VTI1A: variants seen among roughly 807,000 people sequenced by gnomAD.
The protein encoded by VTI1A is vesicle transport through interaction with t-SNAREs 1A.
Under a neutral mutation model 34.9 loss-of-function variants are expected in VTI1A, and 22 were observed. That is an observed-to-expected ratio of 0.63 (90% confidence interval 0.45 to 0.90). VTI1A has a LOEUF of 0.90. VTI1A is among the 40% of genes least tolerant of loss of function. VTI1A has a pLI of 0.00. For synonymous variants in VTI1A, 87 were observed against 97.3 expected, an observed-to-expected ratio of 0.89 and a Z score of 0.62; for missense variants, 268 against 275.6, an observed-to-expected ratio of 0.97 and a Z score of 0.20.
intron 3 of VTI1A, among the ~76,000 whole-genome samples, chr10:112,487,897 GT>G (rs1458344949): frequency 1.3e-5 from 2 of 152,102 alleles, no homozygotes; most frequent in Non-Finnish European, 2.9e-5. Context: ...AGGTATATTG[GT>G]AGTAATTTGG....
intron 3 of VTI1A, among the ~76,000 whole-genome samples, chr10:112,518,946 C>A (rs1849910330): frequency 6.6e-6 from 1 of 151,810 alleles, no homozygotes; most frequent in Non-Finnish European, 1.5e-5. Context: ...ATAGAAGTAA[C>A]CGTCAAAATG....
At chr10:112,487,092 G>T (rs1358423141) in intron 3 of VTI1A, among the ~76,000 whole-genome samples, 1 of 151,998 alleles carries the variant, frequency 6.6e-6, no homozygotes, top group Non-Finnish European at 1.5e-5. Flanking sequence ...TCTGCATCCG[G>T]GTTGAGAAAT....
chr10:112,819,176 T>C (rs1853604274), downstream of VTI1A, among the ~76,000 whole-genome samples: 1 of 152,230 alleles, frequency 6.6e-6, no homozygotes, highest in Non-Finnish European at 1.5e-5. Context: ...TTTTAAATAA[T>C]GAAATTTCCC....
chr10:112,630,409 G>A (rs912507972), intron 5 of VTI1A, among the ~76,000 whole-genome samples: 7 of 152,072 alleles, frequency 4.6e-5, no homozygotes, highest in African/African-American at 1.4e-4. Context: ...TACACTTGGG[G>A]GTGCTAGAAC....
At chr10:112,737,910 G>T in intron 7 of VTI1A, 1 of 1,062,768 alleles carries the variant, frequency 9.4e-7, no homozygotes, top group African/African-American at 1.6e-5. Flanking sequence ...GAGGGAGAGA[G>T]CTGAGGATGG....
rs894334435 is a variant in VTI1A, at chr10:112,815,936, G to A, written c.*553G>A. The A allele has an allele frequency of 6.5e-5, 15 of 230,946 alleles. No homozygotes were observed. Among genetic ancestry groups the A allele is most frequent in the South Asian group, 1.8e-4 (1 of 5,506 alleles). The allele number at this position is 230,946 out of a possible 1,614,324, so 14.3% of individuals were successfully genotyped here. ...ATTGTAAAGGTCGGTATTTAATGTC[G>A]GTTGTACAGGAAATTGACTTAGCAC... On this transcript the variant is annotated 3_prime_UTR_variant, in exon 8 of 8. Coordinates refer to ENST00000393077, the MANE Select transcript of VTI1A (RefSeq NM_145206.4).
intron 5 of VTI1A, among the ~76,000 whole-genome samples, chr10:112,593,263 G>A (rs530445048): frequency 7.2e-5 from 11 of 152,168 alleles, no homozygotes; most frequent in Admixed American, 2.6e-4. Context: ...CCAATGGTCG[G>A]GTGTAGGCAT....
intron 4 of VTI1A, among the ~76,000 whole-genome samples, chr10:112,531,318 A>G (rs956536871): frequency 1.3e-5 from 2 of 152,184 alleles, no homozygotes; most frequent in Admixed American, 6.5e-5. Context: ...GTTGATTATC[A>G]TAACTCAACA....
intron 7 of VTI1A, among the ~76,000 whole-genome samples, chr10:112,709,755 G>A (rs7091778): frequency 0.16 from 21,557 of 137,252 alleles, 3,466 homozygotes; most frequent in African/African-American, 0.4. Flanking sequence ...CAGTGGCGCA[G>A]TCTTGGCTCA....
At chr10:112,594,552 C>A (rs1844542542) in intron 5 of VTI1A, among the ~76,000 whole-genome samples, 3 of 152,000 alleles carry the variant, frequency 2.0e-5, no homozygotes, top group African/African-American at 2.4e-5. Context: ...AGTGAACTCC[C>A]ATTCACAATT....
chr10:112,573,690 C>T (rs1252284006), intron 5 of VTI1A, among the ~76,000 whole-genome samples: 4 of 152,124 alleles, frequency 2.6e-5, no homozygotes, highest in South Asian at 2.1e-4. Flanking sequence ...TGGACACCTC[C>T]GTATTTTCTA....
At chr10:112,736,716 T>C (rs1850490037) in intron 7 of VTI1A, 1 of 1,551,774 alleles carries the variant, frequency 6.4e-7, no homozygotes, top group Admixed American at 2.0e-5. Context: ...CTCTTCACTG[T>C]TCACAGGGGT....
At chr10:112,806,263 G>C (rs1052364365) in intron 7 of VTI1A, among the ~76,000 whole-genome samples, 1 of 152,080 alleles carries the variant, frequency 6.6e-6, no homozygotes, top group Admixed American at 6.6e-5. Flanking sequence ...CCCAGAGATA[G>C]CATCTAGTTT....
At chr10:112,626,808 A>G (rs919963320) in intron 5 of VTI1A, among the ~76,000 whole-genome samples, 3 of 152,208 alleles carry the variant, frequency 2.0e-5, no homozygotes, top group Admixed American at 1.3e-4. Flanking sequence ...TAAAATGGGT[A>G]AAGGCTTAAT....
At chr10:112,752,324 G>C (rs1022141015) in intron 7 of VTI1A, 1 of 975,394 alleles carries the variant, frequency 1.0e-6, no homozygotes, top group Non-Finnish European at 1.2e-6. Flanking sequence ...ATTCCATTTT[G>C]TCCTCTGATC....
chr10:112,630,112 G>C (rs1564856698), intron 5 of VTI1A, among the ~76,000 whole-genome samples: 1 of 152,158 alleles, frequency 6.6e-6, no homozygotes, highest in Non-Finnish European at 1.5e-5. Context: ...AGGTTCCAGA[G>C]ACTCTTTCTT....
At chr10:112,563,566 T>TCGACTTG (rs1851804391) in intron 5 of VTI1A, among the ~76,000 whole-genome samples, 1 of 152,200 alleles carries the variant, frequency 6.6e-6, no homozygotes, top group African/African-American at 2.4e-5. Flanking sequence ...CATTGACCAT[T>TCGACTTG]CGACTTGCGA....
intron 5 of VTI1A, among the ~76,000 whole-genome samples, chr10:112,560,494 T>G (rs897245628): frequency 6.6e-6 from 1 of 152,142 alleles, no homozygotes; most frequent in Non-Finnish European, 1.5e-5. Flanking sequence ...CATTACTCAT[T>G]TTTTGTTTGC....
At chr10:112,737,519 G>A in intron 7 of VTI1A, 1 of 1,050,966 alleles carries the variant, frequency 9.5e-7, no homozygotes, top group Non-Finnish European at 1.1e-6. Flanking sequence ...TAGACGGGGT[G>A]TGCAGTATTT....
Sources: gnomAD v4.1 joint callset for allele counts (sites outside exome capture counted in the v4.1 genomes callset) on GRCh38, gnomAD v4.1.1 for gene constraint, MANE v1.5 for transcripts, NCBI Gene and HGNC (gene_info 2026-07-23, HGNC 2026-07-21) for gene names.